The following CAMK4 variants were observed in gnomAD, a reference collection of about 807,000 sequenced individuals.
CAMK4 encodes the protein calcium/calmodulin dependent protein kinase IV, also known as calcium/calmodulin-dependent protein kinase type IV.
Under a neutral mutation model 44.9 loss-of-function variants are expected in CAMK4, and 22 were observed. The observed-to-expected ratio is 0.49, with a 90% CI of 0.35 to 0.70. The LOEUF (loss-of-function observed/expected upper bound fraction) is 0.70. Among genes scored for constraint, CAMK4 ranks in the 30% least tolerant of loss-of-function variants. The pLI is 0.01. For synonymous variants in CAMK4, 218 were observed against 215.4 expected (o/e 1.01, Z -0.11); for missense variants, 498 against 586.8 (o/e 0.85, Z 1.56).
At chr5:111,397,651 G>C (rs975554057) in intron 5 of CAMK4, among the ~76,000 whole-genome samples, 34 of 107,398 alleles carry the variant, frequency 3.2e-4, no homozygotes, top group African/African-American at 1.4e-3. Flanking sequence ...TCAGCATGCT[G>C]TGTGTGTGTG....
At chr5:111,424,106 A>T (rs913988522) in intron 5 of CAMK4, among the ~76,000 whole-genome samples, 2 of 152,216 alleles carry the variant, frequency 1.3e-5, no homozygotes, top group African/African-American at 4.8e-5. Flanking sequence ...CCTGCTATAG[A>T]CTATATTGGG....
intron 1 of CAMK4, among the ~76,000 whole-genome samples, chr5:111,249,599 T>C (rs1749389093): frequency 6.6e-6 from 1 of 151,024 alleles, no homozygotes; most frequent in Non-Finnish European, 1.5e-5. Flanking sequence ...TTACTATTCA[T>C]TTTATTCTTG....
At chr5:111,417,963 T>C (rs574340102) in intron 5 of CAMK4, among the ~76,000 whole-genome samples, 1 of 152,222 alleles carries the variant, frequency 6.6e-6, no homozygotes, top group Non-Finnish European at 1.5e-5. Context: ...TTTCCATCCA[T>C]GCAGTTTTGT....
At chr5:111,273,676 T>C (rs1435640761) in intron 1 of CAMK4, among the ~76,000 whole-genome samples, 1 of 80,018 alleles carries the variant, frequency 1.2e-5, no homozygotes, top group Non-Finnish European at 2.4e-5. Flanking sequence ...AAAAAATGCA[T>C]TTATATATAT....
At chr5:111,394,838 A>T (rs1042909472) in intron 5 of CAMK4, 56 bp downstream of exon 5, 2 of 1,090,672 alleles carry the variant, frequency 1.8e-6, no homozygotes, top group Middle Eastern at 2.0e-4. Context: ...CCTTTTACAG[A>T]ATCATCATTT....
chr5:111,443,279 T>TATAC (rs1401315422), intron 5 of CAMK4, among the ~76,000 whole-genome samples: 766 of 37,318 alleles, frequency 0.021, 11 homozygotes, highest in Middle Eastern at 0.034. Context: ...TATATATATA[T>TATAC]ACACACACAC....
At position 111,291,392 on chromosome 5, in the gene CAMK4, GA is replaced by G. The variant is rs1747247431; in HGVS notation, c.162-52631del. Reference sequence around the variant, plus strand: ...CATGGTTTCTCTCTTGATATCTATAGACACACTTCATTGCTTTTCTTTAAAG... The same window carrying G: ...CATGGTTTCTCTCTTGATATCTATAGCACACTTCATTGCTTTTCTTTAAAG... On this transcript the variant is annotated intron_variant, in intron 1 of 10. Transcript: ENST00000282356. Among the ~76,000 whole-genome samples the G allele has an allele frequency of 5.9e-5, 9 of 152,060 alleles. No individual in the cohort carries two copies. The South Asian group carries it at 1.9e-3, about 32-fold the overall frequency.
intron 5 of CAMK4, among the ~76,000 whole-genome samples, chr5:111,408,201 TA>T (rs1043240028): frequency 9.8e-5 from 15 of 152,312 alleles, no homozygotes; most frequent in East Asian, 7.7e-4. Context: ...CCTTTCTTTT[TA>T]TAAGTGTTTC....
chr5:111,343,054 C>A (rs984978145), intron 1 of CAMK4, among the ~76,000 whole-genome samples: 6 of 151,482 alleles, frequency 4.0e-5, no homozygotes, highest in Admixed American at 1.3e-4. Context: ...TATTCTATTT[C>A]TTGAACCCTT....
intron 2 of CAMK4, among the ~76,000 whole-genome samples, chr5:111,359,909 C>T (rs558935819): frequency 6.6e-6 from 1 of 151,978 alleles, no homozygotes; most frequent in Non-Finnish European, 1.5e-5. Flanking sequence ...TAATAAAGTA[C>T]TATAAACTGT....
intron 1 of CAMK4, among the ~76,000 whole-genome samples, chr5:111,326,019 T>A (rs1392466330): frequency 6.6e-6 from 1 of 152,090 alleles, no homozygotes; most frequent in African/African-American, 2.4e-5. Context: ...TTACAATTAA[T>A]GACCTACATT....
At chr5:111,476,060 A>T (rs1339171460) in intron 8 of CAMK4, among the ~76,000 whole-genome samples, 1 of 152,144 alleles carries the variant, frequency 6.6e-6, no homozygotes, top group East Asian at 1.9e-4. Context: ...TGTCTTCCAA[A>T]TGTTGAGGCA....
Position 111,224,744 on chromosome 5 carries a change from C to A in CAMK4, c.161+100C>A. 8.7e-7 allele frequency: 1 copy of A among 1,147,020 alleles called. No individual in the cohort carries two copies. The highest frequency in any genetic ancestry group is 1.5e-5 in the South Asian group (1 of 64,676). 71.1% of individuals were successfully genotyped at this position (1,147,020 alleles called of 1,614,324 possible). A position where few individuals can be genotyped will look rare whatever the true frequency, so the allele number is the denominator to read the frequency against. ...GGGTGCGGGAGCCTGCCTTCGTGCC[C>A]TTCGATTTCTCCCTACCTAGTTAGT... On this transcript the variant is annotated intron_variant, in intron 1 of 10. Coordinates refer to ENST00000282356, the MANE Select transcript of CAMK4 (RefSeq NM_001744.6). This position sits in a 1 kb window ranked among gnomAD's most constrained non-coding sequence, Gnocchi z 5.7.
intron 1 of CAMK4, among the ~76,000 whole-genome samples, chr5:111,310,977 C>G (rs984014126): frequency 1.1e-4 from 17 of 151,766 alleles, no homozygotes; most frequent in African/African-American, 4.1e-4. Context: ...TCTAAGAACA[C>G]CAGTATAATA....
chr5:111,349,895 G>T (rs1287461066), intron 2 of CAMK4, among the ~76,000 whole-genome samples: 1 of 151,870 alleles, frequency 6.6e-6, no homozygotes, highest in African/African-American at 2.4e-5. Flanking sequence ...CTCAACTCTT[G>T]GAAAAGCTTG....
At chr5:111,480,368 C>T (rs1377527786) in intron 9 of CAMK4, among the ~76,000 whole-genome samples, 1 of 151,886 alleles carries the variant, frequency 6.6e-6, no homozygotes, top group Non-Finnish European at 1.5e-5. Flanking sequence ...CCCCTTCAGT[C>T]CCTCCCACCT....
intron 1 of CAMK4, among the ~76,000 whole-genome samples, chr5:111,243,837 C>T (rs957925783): frequency 3.3e-5 from 5 of 152,152 alleles, no homozygotes; most frequent in African/African-American, 1.2e-4. Context: ...TATCTTGTGC[C>T]TATAGCTGCA....
chr5:111,243,108 A>C (rs1295215712), intron 1 of CAMK4, among the ~76,000 whole-genome samples: 2 of 152,186 alleles, frequency 1.3e-5, no homozygotes, highest in African/African-American at 4.8e-5. Context: ...AAAGCACAGT[A>C]AGGCAGATTT....
chr5:111,248,886 T>A (rs1042764019), intron 1 of CAMK4, among the ~76,000 whole-genome samples: 1 of 152,036 alleles, frequency 6.6e-6, no homozygotes. Flanking sequence ...AAGACAGATC[T>A]GATTGTCACC....
Sources: gnomAD v4.1 joint callset for allele counts (sites outside exome capture counted in the v4.1 genomes callset) on GRCh38, gnomAD v4.1.1 for gene constraint, Gnocchi (gnomAD v3.1) non-coding constraint, MANE v1.5 for transcripts, NCBI Gene and HGNC (gene_info 2026-07-23, HGNC 2026-07-21) for gene names.